The following TMEM17 variants were observed in gnomAD, a reference collection of about 807,000 sequenced individuals.
TMEM17 encodes the protein transmembrane protein 17.
Under a neutral mutation model 19.1 loss-of-function variants are expected in TMEM17, and 15 were observed. The ratio of observed to expected loss-of-function variants is 0.78; its 90% confidence interval spans 0.52 to 1.21. TMEM17 has a LOEUF of 1.21. Among genes scored for constraint, TMEM17 ranks in the 50% most tolerant of loss-of-function variants. TMEM17 has a pLI of 0.00. For missense variants in TMEM17, 245 were observed against 242.3 expected (o/e 1.01, Z -0.07); for synonymous variants, 103 against 86.9 (o/e 1.19, Z -1.03).
chr2:62,495,124 G>C, the TMEM17 span, among the ~76,000 whole-genome samples: 1 of 152,204 alleles, frequency 6.6e-6, no homozygotes, highest in East Asian at 1.9e-4. Context: ...AGATTAAAAA[G>C]CTCTTTTCAG....
chr2:62,501,286 G>A lies in TMEM17; in HGVS notation c.520C>T (p.His174Tyr). 1 of 1,614,192 alleles carries A rather than the reference G, an allele frequency of 6.2e-7. No homozygotes were observed. The highest frequency in any genetic ancestry group is 8.5e-7 in the Non-Finnish European group (1 of 1,180,032). The change falls in exon 4 of 4, where the codon CAC becomes TAC. Residue 174 changes from histidine to tyrosine, a missense_variant. By Grantham distance (83) the His-to-Tyr change is moderately conservative (BLOSUM62 2). Coordinates refer to ENST00000335390, the MANE Select transcript of TMEM17 (RefSeq NM_198276.3). The part of the protein sequence containing the change: ...KMVNQLAVRF[H>Y]LQDFDRLSAN... ...GAGAGCCGGTCAAAGTCTTGGAGGTGGAAACGAACTGCCAACTGATTAACC... is the reference window on the plus strand; with the variant it reads ...GAGAGCCGGTCAAAGTCTTGGAGGTAGAAACGAACTGCCAACTGATTAACC...
At chr2:62,458,943 C>T in the TMEM17 span, among the ~76,000 whole-genome samples, 1 of 152,210 alleles carries the variant, frequency 6.6e-6, no homozygotes, top group South Asian at 2.1e-4. Context: ...TGGCCTCAGT[C>T]TTTAAGGCAG....
the TMEM17 span, among the ~76,000 whole-genome samples, chr2:62,494,431 G>A: frequency 6.6e-6 from 1 of 152,112 alleles, no homozygotes; most frequent in African/African-American, 2.4e-5. Context: ...ACTTTCTCGA[G>A]TGGTCATTTT....
Position 62,501,259 on chromosome 2 carries a change from C to G in TMEM17, c.547G>C (p.Ala183Pro). The change falls in exon 4 of 4, where the codon GCA (alanine) becomes CCA (proline). Residue 183 changes from alanine (A) to proline (P), a missense_variant. Ala to Pro is a conservative substitution (Grantham distance 27). Coordinates refer to ENST00000335390, the MANE Select transcript of TMEM17 (RefSeq NM_198276.3). The part of the protein sequence containing the change: ...FHLQDFDRLS[A>P]NRGDMRRMRS... ...ATCCTTCTCATGTCTCCTCTGTTTGCAGAGAGCCGGTCAAAGTCTTGGAGG... is the reference window on the plus strand; with the variant it reads ...ATCCTTCTCATGTCTCCTCTGTTTGGAGAGAGCCGGTCAAAGTCTTGGAGG... The G allele has an allele frequency of 1.9e-6, 3 of 1,614,198 alleles. No homozygotes were observed. The highest frequency in any genetic ancestry group is 1.3e-5 in the African/African-American group (1 of 75,052).
Position 62,500,967 on chromosome 2 carries a change from A to G in TMEM17, c.*242T>C, listed in dbSNP as rs1679910880. The G allele has an allele frequency of 1.1e-5, 4 of 374,386 alleles. No individual in the cohort carries two copies. Among genetic ancestry groups the G allele is most frequent in the Non-Finnish European group, 1.9e-5 (4 of 211,866 alleles). 23.2% of individuals were successfully genotyped at this position (374,386 alleles called of 1,614,324 possible). ...ATAGATTTCTACACTCCTGAAAAAG[A>G]CAACAACATCAAAAAAAATTAAGAA... On this transcript the variant is annotated 3_prime_UTR_variant, in exon 4 of 4. Coordinates refer to ENST00000335390, the MANE Select transcript of TMEM17 (RefSeq NM_198276.3).
chr2:62,467,732 T>G, the TMEM17 span, among the ~76,000 whole-genome samples: 2 of 152,216 alleles, frequency 1.3e-5, no homozygotes, highest in South Asian at 4.2e-4. Flanking sequence ...GCTGGGAAAG[T>G]CAGGGTTTCT....
At chr2:62,463,826 A>G in the TMEM17 span, 1 of 152,220 alleles carries the variant, frequency 6.6e-6, no homozygotes, top group Non-Finnish European at 1.5e-5. Context: ...TCCTGTGCCT[A>G]TAAAAACTCC....
At chr2:62,482,981 C>A in the TMEM17 span, among the ~76,000 whole-genome samples, 4 of 152,162 alleles carry the variant, frequency 2.6e-5, no homozygotes, top group Non-Finnish European at 5.9e-5. Context: ...GGGGAGCAGA[C>A]CCCTTGGGTT....
the TMEM17 span, among the ~76,000 whole-genome samples, chr2:62,466,416 C>T: frequency 6.6e-6 from 1 of 152,186 alleles, no homozygotes; most frequent in East Asian, 1.9e-4. Flanking sequence ...TGTTGGGAAA[C>T]AGTCCAGGAA....
chr2:62,500,609 C>T lies in TMEM17; in HGVS notation c.*600G>A, dbSNP rs900132689. The T allele has an allele frequency of 2.9e-5, 4 of 135,964 alleles. No individual in the cohort carries two copies. Among genetic ancestry groups the T allele is most frequent in the African/African-American group, 1.1e-4 (4 of 37,086 alleles). 8.4% of individuals were successfully genotyped at this position (135,964 alleles called of 1,614,324 possible). On this transcript the variant is annotated 3_prime_UTR_variant, in exon 4 of 4. Transcript: ENST00000335390. ...TACAGGTGCCTGCAACCACGCCTAG[C>T]TAATTTTTTTTTTTTTTGTATTTTT...
the TMEM17 span, among the ~76,000 whole-genome samples, chr2:62,453,815 GC>G: frequency 6.6e-6 from 1 of 152,192 alleles, no homozygotes; most frequent in East Asian, 1.9e-4. Flanking sequence ...CGGTTTGCTT[GC>G]TTTTATTAGA....
the TMEM17 span, among the ~76,000 whole-genome samples, chr2:62,488,861 A>G: frequency 7.4e-6 from 1 of 134,336 alleles, no homozygotes; most frequent in South Asian, 2.4e-4. Context: ...TTCTCTGCTT[A>G]GGGGTCAGAT....
At chr2:62,471,635 G>T in the TMEM17 span, among the ~76,000 whole-genome samples, 1 of 152,210 alleles carries the variant, frequency 6.6e-6, no homozygotes, top group Admixed American at 6.5e-5. Flanking sequence ...CTCAATAAAT[G>T]CACCTATCCT....
chr2:62,495,142 T>G, the TMEM17 span, among the ~76,000 whole-genome samples: 1 of 152,266 alleles, frequency 6.6e-6, no homozygotes, highest in Admixed American at 6.5e-5. Context: ...CAGACAAGAA[T>G]GTTCAGCTGT....
intron 1 of TMEM17, among the ~76,000 whole-genome samples, chr2:62,505,735 C>A (rs1680049423): frequency 1.3e-5 from 2 of 152,196 alleles, no homozygotes; most frequent in South Asian, 4.1e-4. Flanking sequence ...GGGGTTTCTC[C>A]GGGACAATGA....
the TMEM17 span, among the ~76,000 whole-genome samples, chr2:62,485,866 C>A: frequency 6.6e-6 from 1 of 152,176 alleles, no homozygotes. Flanking sequence ...GAATCCTAGT[C>A]CCTCCACCCT....
chr2:62,466,569 G>T, the TMEM17 span, among the ~76,000 whole-genome samples: 1 of 152,186 alleles, frequency 6.6e-6, no homozygotes, highest in Admixed American at 6.5e-5. Context: ...GAGAGGGACT[G>T]GTCCTGTCTG....
the TMEM17 span, among the ~76,000 whole-genome samples, chr2:62,464,728 G>A: frequency 6.6e-6 from 1 of 152,174 alleles, no homozygotes; most frequent in South Asian, 2.1e-4. Flanking sequence ...AGCATTCAGG[G>A]ATCGGAGTTT....
chr2:62,486,097 C>T, the TMEM17 span, among the ~76,000 whole-genome samples: 4 of 152,142 alleles, frequency 2.6e-5, no homozygotes, highest in African/African-American at 4.8e-5. Context: ...CAAAAGAAAT[C>T]GTTCCAGGAA....
Sources: gnomAD v4.1 joint callset for allele counts (sites outside exome capture counted in the v4.1 genomes callset) on GRCh38, gnomAD v4.1.1 for gene constraint, MANE v1.5 for transcripts, NCBI Gene and HGNC (gene_info 2026-07-23, HGNC 2026-07-21) for gene names.